CROT: variants seen among roughly 807,000 people sequenced by gnomAD.
CROT encodes the protein carnitine O-octanoyltransferase.
In CROT, 84 loss-of-function variants were observed where a neutral mutation model predicts 89.2. That is an observed-to-expected ratio of 0.94 (90% CI 0.79 to 1.13). The LOEUF is 1.13. Among genes scored for constraint, CROT ranks in the 50% most tolerant of loss-of-function variants. CROT has a pLI of 0.00. For synonymous variants in CROT, 212 were observed against 239.5 expected (o/e 0.89, Z 1.06); for missense variants, 711 against 727.8 (o/e 0.98, Z 0.27).
chr7:87,390,245 T>C (rs1209923430), intron 13 of CROT, among the ~76,000 whole-genome samples: 1 of 152,208 alleles, frequency 6.6e-6, no homozygotes, highest in African/African-American at 2.4e-5. Context: ...TTCTACTCCA[T>C]CTTTTAAGAT....
intron 10 of CROT, among the ~76,000 whole-genome samples, chr7:87,378,346 C>CAA (rs33929613): frequency 0.68 from 90,593 of 132,526 alleles, 32,336 homozygotes; most frequent in Non-Finnish European, 0.78. Context: ...ACTCCGACTC[C>CAA]AAAAAAAAAA....
chr7:87,385,452 A>T (rs1312265231), intron 13 of CROT, among the ~76,000 whole-genome samples: 1 of 151,836 alleles, frequency 6.6e-6, no homozygotes, highest in Non-Finnish European at 1.5e-5. Context: ...CTTTGTAGCT[A>T]TTGTAAATGG....
At chr7:87,372,034 T>C (rs1249050072) in intron 7 of CROT, among the ~76,000 whole-genome samples, 1 of 150,186 alleles carries the variant, frequency 6.7e-6, no homozygotes, top group African/African-American at 2.4e-5. Flanking sequence ...AAAAAAGCTA[T>C]ATCTAGTCAA....
intron 13 of CROT, among the ~76,000 whole-genome samples, chr7:87,390,535 C>T (rs899298112): frequency 6.6e-6 from 1 of 152,282 alleles, no homozygotes; most frequent in East Asian, 1.9e-4. Context: ...AAACACTGAA[C>T]AGAAGAGGCT....
At chr7:87,349,232 A>C in intron 3 of CROT, 49 bp downstream of exon 3, 1 of 895,156 alleles carries the variant, frequency 1.1e-6, no homozygotes, top group Non-Finnish European at 1.7e-6. Context: ...GTAACTTAGA[A>C]AACTGTGATA....
chr7:87,381,789 G>A, intron 10 of CROT, 121 bp from the exon 11 acceptor site: 1 of 603,860 alleles, frequency 1.7e-6, no homozygotes, highest in Non-Finnish European at 2.9e-6. Context: ...CAAGAGGTGA[G>A]GCATTTGAAG....
At chr7:87,380,850 A>G (rs1258113018) in intron 10 of CROT, among the ~76,000 whole-genome samples, 1 of 152,244 alleles carries the variant, frequency 6.6e-6, no homozygotes, top group African/African-American at 2.4e-5. Context: ...GTAAAATTGT[A>G]AAGTACCACA....
intron 6 of CROT, among the ~76,000 whole-genome samples, chr7:87,365,040 G>C (rs1423065126): frequency 6.6e-6 from 1 of 152,140 alleles, no homozygotes; most frequent in Non-Finnish European, 1.5e-5. Context: ...TGAGATGTGT[G>C]TTCATGCATT....
At chr7:87,366,182 G>A (rs1401266651) in intron 6 of CROT, among the ~76,000 whole-genome samples, 1 of 152,082 alleles carries the variant, frequency 6.6e-6, no homozygotes, top group East Asian at 1.9e-4. Flanking sequence ...TCTAAAAGAT[G>A]TTACTAAAGC....
chr7:87,375,302 C>T, intron 7 of CROT: 1 of 199,740 alleles, frequency 5.0e-6, no homozygotes. Context: ...TCAAGTTCTC[C>T]ATTGTAAGGA....
intron 17 of CROT, among the ~76,000 whole-genome samples, chr7:87,395,100 A>G (rs1162947097): frequency 6.6e-6 from 1 of 152,206 alleles, no homozygotes; most frequent in Non-Finnish European, 1.5e-5. Flanking sequence ...AAGAAGCATT[A>G]ACTCACACGA....
intron 6 of CROT, among the ~76,000 whole-genome samples, chr7:87,363,975 T>G (rs1196146317): frequency 6.6e-6 from 1 of 152,188 alleles, no homozygotes; most frequent in East Asian, 1.9e-4. Context: ...CTTCAACATA[T>G]TTGGCTTGAG....
intron 4 of CROT, chr7:87,360,077 C>A: frequency 1.0e-6 from 1 of 972,142 alleles, no homozygotes; most frequent in South Asian, 4.8e-5. Flanking sequence ...CAATTTTGAG[C>A]CTTGAGTTGT....
intron 1 of CROT, 40 bp downstream of exon 1, chr7:87,345,807 A>C: frequency 4.7e-6 from 1 of 212,136 alleles, no homozygotes. Context: ...CTAATCCTTC[A>C]ACTCGGGGGC....
chr7:87,364,605 T>C (rs1172030367), intron 6 of CROT, among the ~76,000 whole-genome samples: 1 of 152,122 alleles, frequency 6.6e-6, no homozygotes, highest in East Asian at 1.9e-4. Context: ...TGATGTGCAC[T>C]GGGAGATCAA....
intron 4 of CROT, among the ~76,000 whole-genome samples, chr7:87,360,992 A>G (rs1396316287): frequency 6.6e-6 from 1 of 152,176 alleles, no homozygotes; most frequent in African/African-American, 2.4e-5. Flanking sequence ...TTTTTGAGAC[A>G]GGGTCTTTCT....
intron 13 of CROT, among the ~76,000 whole-genome samples, chr7:87,388,593 AC>A (rs1456131685): frequency 2.0e-5 from 3 of 152,176 alleles, no homozygotes; most frequent in Admixed American, 6.5e-5. Flanking sequence ...CTGAAACTGG[AC>A]CCCTTCCTTA....
chr7:87,346,172 C>T (rs527920097), intron 1 of CROT, among the ~76,000 whole-genome samples, 168 bp from the exon 2 acceptor site: 156 of 152,142 alleles, frequency 1.0e-3, no homozygotes, highest in African/African-American at 3.7e-3. Flanking sequence ...TCATTTACTC[C>T]TGCTCTCTAG....
Position 87,399,490 on chromosome 7 carries a change from A to G in CROT, c.*846A>G, listed in dbSNP as rs544708697. On this transcript the variant is annotated 3_prime_UTR_variant, in exon 18 of 18. Transcript: ENST00000331536. ...ACCCTGTCTCAAAGAAGAAAAAAAGAGAAAAATAACTCTTTTGAACAAACA... is the reference window on the plus strand; with the variant it reads ...ACCCTGTCTCAAAGAAGAAAAAAAGGGAAAAATAACTCTTTTGAACAAACA... 6.6e-6 allele frequency: 1 copy of G among 152,358 alleles called. No homozygotes were observed. The highest frequency in any genetic ancestry group is 1.9e-4 in the East Asian group (1 of 5,192). The allele number at this position is 152,358 out of a possible 1,614,324, so 9.4% of individuals were successfully genotyped here. A position where few individuals can be genotyped will look rare whatever the true frequency, so the allele number is the denominator to read the frequency against.
Sources: gnomAD v4.1 joint callset for allele counts (sites outside exome capture counted in the v4.1 genomes callset) on GRCh38, gnomAD v4.1.1 for gene constraint, MANE v1.5 for transcripts, NCBI Gene and HGNC (gene_info 2026-07-23, HGNC 2026-07-21) for gene names.